The following DIS3L2 variants were observed in gnomAD, a reference collection of about 807,000 sequenced individuals.
DIS3L2 encodes the protein DIS3-like exonuclease 2.
Under a neutral mutation model 97.5 loss-of-function variants are expected in DIS3L2, and 34 were observed. The ratio of observed to expected loss-of-function variants is 0.35; its 90% CI spans 0.27 to 0.46. DIS3L2 has a LOEUF of 0.46. Ranked by LOEUF, DIS3L2 falls within the 20% of genes least tolerant of loss-of-function variation. The probability of loss-of-function intolerance (pLI) is 1.00; values close to 1 mark genes in which losing one functional copy is unlikely to be tolerated. For synonymous variants in DIS3L2, 435 were observed against 445.2 expected (o/e 0.98, Z 0.29); for missense variants, 1,038 against 1,146.0 (o/e 0.91, Z 1.36).
chr2:232,128,487 C>T lies in DIS3L2; in HGVS notation c.602-2132C>T, dbSNP rs997704516. Among the ~76,000 whole-genome samples the T allele has an allele frequency of 6.4e-4, 60 of 93,718 alleles. 1 individual carries two copies. Among genetic ancestry groups the T allele is most frequent in the Admixed American group, 5.1e-3 (29 of 5,680 alleles). The allele number at this position is 93,718 out of a possible 152,430, so 61.5% of individuals were successfully genotyped here. On this transcript the variant is annotated intron_variant, in intron 6 of 20. Coordinates refer to ENST00000325385, the MANE Select transcript of DIS3L2 (RefSeq NM_152383.5). Reference sequence around the variant, plus strand: ...TTTTTTTTTTTTTTTTTTGGAGAGACAGGTTCTTGCAGGCTGGAGTGCAGT... The same window carrying T: ...TTTTTTTTTTTTTTTTTTGGAGAGATAGGTTCTTGCAGGCTGGAGTGCAGT...
intron 9 of DIS3L2, among the ~76,000 whole-genome samples, chr2:232,165,868 A>G (rs1326551582): frequency 2.0e-5 from 3 of 152,270 alleles, no homozygotes; most frequent in South Asian, 4.1e-4. Flanking sequence ...TTAAAAAATT[A>G]TAAATGTGAA....
chr2:232,197,796 G>A (rs1011073727), intron 9 of DIS3L2, among the ~76,000 whole-genome samples: 12 of 151,690 alleles, frequency 7.9e-5, no homozygotes, highest in Admixed American at 7.2e-4. Context: ...GTGAAACCCC[G>A]TCTCTACAAA....
chr2:231,979,351 C>G (rs375657590), intron 1 of DIS3L2, among the ~76,000 whole-genome samples: 1 of 151,840 alleles, frequency 6.6e-6, no homozygotes, highest in East Asian at 1.9e-4. Flanking sequence ...ACCTCCTGGG[C>G]TCAGGTGATC....
Position 232,336,028 on chromosome 2 carries a change from C to G in DIS3L2, c.2496+154C>G, listed in dbSNP as rs950564779. ...TAGGGCCCTCCCAGCTCACCCAGAC[C>G]CCCTCCTGTGGGTCCTGCTTTCTGG... On this transcript the variant is annotated intron_variant, in intron 20 of 20. Coordinates refer to ENST00000325385, the MANE Select transcript of DIS3L2 (RefSeq NM_152383.5). The G allele has an allele frequency of 3.9e-6, 6 of 1,523,136 alleles. No homozygotes were observed. The Admixed American group carries it at 1.2e-4, about 31-fold the overall frequency. The allele number at this position is 1,523,136 out of a possible 1,614,324, so 94.4% of individuals were successfully genotyped here. A position where few individuals can be genotyped will look rare whatever the true frequency, so the allele number is the denominator to read the frequency against.
chr2:232,077,491 A>G (rs897286113), intron 5 of DIS3L2, among the ~76,000 whole-genome samples: 2 of 152,138 alleles, frequency 1.3e-5, no homozygotes, highest in Admixed American at 6.5e-5. Flanking sequence ...TTTATTTCTT[A>G]TCAATACTCC....
At chr2:232,177,166 T>C (rs1691191688) in intron 9 of DIS3L2, among the ~76,000 whole-genome samples, 3 of 142,162 alleles carry the variant, frequency 2.1e-5, no homozygotes, top group South Asian at 4.7e-4. Flanking sequence ...TAGTATTCCA[T>C]GGTGTATATG....
At chr2:232,124,588 A>G (rs1032484063) in intron 6 of DIS3L2, among the ~76,000 whole-genome samples, 1 of 152,166 alleles carries the variant, frequency 6.6e-6, no homozygotes, top group African/African-American at 2.4e-5. Flanking sequence ...GGCAAGAGAC[A>G]TAGAGAACAG....
At chr2:232,120,116 G>A (rs1697852479) in intron 6 of DIS3L2, among the ~76,000 whole-genome samples, 1 of 152,120 alleles carries the variant, frequency 6.6e-6, no homozygotes, top group Non-Finnish European at 1.5e-5. Flanking sequence ...CCTGGCTTGG[G>A]CAGAGGACCT....
At chr2:232,245,246 G>A (rs1365908117) in intron 11 of DIS3L2, among the ~76,000 whole-genome samples, 3 of 152,126 alleles carry the variant, frequency 2.0e-5, no homozygotes, top group Non-Finnish European at 4.4e-5. Flanking sequence ...AGGAACCATC[G>A]CAGGCCTCAT....
chr2:232,305,627 G>T (rs1391937471), intron 14 of DIS3L2, among the ~76,000 whole-genome samples: 2 of 152,008 alleles, frequency 1.3e-5, no homozygotes, highest in Non-Finnish European at 2.9e-5. Context: ...CTCTTACGTG[G>T]TTCATTTTCT....
intron 9 of DIS3L2, among the ~76,000 whole-genome samples, chr2:232,175,060 C>G (rs561490170): frequency 1.3e-5 from 2 of 152,172 alleles, no homozygotes; most frequent in Admixed American, 1.3e-4. Context: ...AACTCTTAGG[C>G]TCAAGTGATC....
Position 232,336,875 on chromosome 2 carries a change from G to T in DIS3L2, c.*245G>T. The T allele has an allele frequency of 7.5e-7, 1 of 1,335,300 alleles. No individual in the cohort carries two copies. 82.7% of individuals were successfully genotyped at this position (1,335,300 alleles called of 1,614,324 possible). On this transcript the variant is annotated 3_prime_UTR_variant, in exon 21 of 21. Transcript: ENST00000325385. ...GAGCAGGCCCCAGTCCTCCTGGGAG[G>T]CTGGCCCCCCTTTTTTCTGGGCCCT...
At chr2:232,162,738 C>CGCA (rs1206361837) in intron 8 of DIS3L2, among the ~76,000 whole-genome samples, 2 of 152,168 alleles carry the variant, frequency 1.3e-5, no homozygotes, top group African/African-American at 4.8e-5. Flanking sequence ...CTGTATTCAA[C>CGCA]GCACAAATTT....
chr2:231,966,643 T>A (rs1234553130), intron 1 of DIS3L2, among the ~76,000 whole-genome samples: 1 of 41,598 alleles, frequency 2.4e-5, no homozygotes, highest in Non-Finnish European at 4.2e-5. Context: ...TAAAAAACAT[T>A]TTTTTTTTTT....
In DIS3L2 at chr2:232,092,813, A is replaced by T. The variant is rs184229735; in HGVS notation, c.601+5092A>T. On this transcript the variant is annotated intron_variant, in intron 6 of 20. Coordinates refer to ENST00000325385, the MANE Select transcript of DIS3L2 (RefSeq NM_152383.5). ...TGGTGAAGTCTTTAGGGTTTTCCAA[A>T]TATAAGATCATACCATCTGCAAGCA... 2.6e-5 allele frequency among the ~76,000 whole-genome samples: 4 copies of T among 152,260 alleles called. No individual in the cohort carries two copies. The East Asian group carries it at 7.7e-4, about 29-fold the overall frequency.
chr2:232,018,367 C>A (rs1270701662), intron 3 of DIS3L2, among the ~76,000 whole-genome samples: 2 of 152,176 alleles, frequency 1.3e-5, no homozygotes, highest in East Asian at 3.9e-4. Flanking sequence ...CCAGGGCCTC[C>A]CCCCTACATA....
At chr2:232,286,622 T>C (rs780224354) in intron 13 of DIS3L2, among the ~76,000 whole-genome samples, 2 of 152,186 alleles carry the variant, frequency 1.3e-5, no homozygotes, top group Non-Finnish European at 2.9e-5. Context: ...AAGAACATCA[T>C]TGAGTTTCCG....
At chr2:232,043,352 AACGAGTCACCTG>A (rs1443384011) in intron 5 of DIS3L2, among the ~76,000 whole-genome samples, 5 of 152,176 alleles carry the variant, frequency 3.3e-5, no homozygotes, top group Admixed American at 6.5e-5. Context: ...CATTGGCAAG[AACGAGTCACCTG>A]ACACTACCCA....
At position 232,052,907 on chromosome 2, in the gene DIS3L2, A is replaced by G. The variant is rs111978984; in HGVS notation, c.366+22827A>G. Among the ~76,000 whole-genome samples, 28 of 152,310 alleles carry G rather than the reference A, an allele frequency of 1.8e-4. 2 individuals carry two copies. The highest frequency in any genetic ancestry group is 6.0e-4 in the African/African-American group (25 of 41,570). On this transcript the variant is annotated intron_variant, in intron 5 of 20. Transcript: ENST00000325385. ...CTGGGTGGTATTTGCATGACCTACT[A>G]TGAATGACTCCCACTATGTGATGAT...
Sources: gnomAD v4.1 joint callset for allele counts (sites outside exome capture counted in the v4.1 genomes callset) on GRCh38, gnomAD v4.1.1 for gene constraint, MANE v1.5 for transcripts, NCBI Gene and HGNC (gene_info 2026-07-23, HGNC 2026-07-21) for gene names.